Variants in RHOQ observed in about 807,000 individuals in gnomAD.
The protein encoded by RHOQ is ras homolog family member Q.
RHOQ carries 7 observed loss-of-function variants against 25.8 expected under a neutral mutation model. The ratio of observed to expected loss-of-function variants is 0.27; its 90% confidence interval spans 0.15 to 0.51. The LOEUF (loss-of-function observed/expected upper bound fraction) is 0.51, where lower values mean the gene tolerates loss of function less well. Among genes scored for constraint, RHOQ ranks in the 20% least tolerant of loss-of-function variants. RHOQ has a pLI of 0.97. For synonymous variants in RHOQ, 97 were observed against 98.6 expected, an observed-to-expected ratio of 0.98 and a Z score of 0.10; for missense variants, 165 against 260.6, an observed-to-expected ratio of 0.63 and a Z score of 2.53.
At position 46,569,289 on chromosome 2, in the gene RHOQ, C is replaced by G. The variant is rs772257585; in HGVS notation, c.202-6798C>G. 2.0e-5 allele frequency: 3 copies of G among 152,174 alleles called. No individual in the cohort carries two copies. The highest frequency in any genetic ancestry group is 4.4e-5 in the Non-Finnish European group (3 of 68,048). 9.4% of individuals were successfully genotyped at this position (152,174 alleles called of 1,614,324 possible). On this transcript the variant is annotated intron_variant, in intron 2 of 4. Coordinates refer to ENST00000238738, the MANE Select transcript of RHOQ (RefSeq NM_012249.4). The surrounding 1 kb of genome is among the most constrained non-coding windows in gnomAD (Gnocchi z 4.1). Reference sequence around the variant, plus strand: ...TCTTGATCCTCTGCCTTGTGGTGGTCAGCTTAGATAAAATGGAATCCTAAA... The same window carrying G: ...TCTTGATCCTCTGCCTTGTGGTGGTGAGCTTAGATAAAATGGAATCCTAAA...
intron 2 of RHOQ, among the ~76,000 whole-genome samples, chr2:46,563,222 T>G (rs1668625640): frequency 6.6e-6 from 1 of 152,130 alleles, no homozygotes; most frequent in African/African-American, 2.4e-5. Context: ...ACACTCGTGG[T>G]TAGGAGAATT....
intron 2 of RHOQ, among the ~76,000 whole-genome samples, chr2:46,567,967 G>A (rs200414146): frequency 5.3e-5 from 8 of 152,096 alleles, no homozygotes; most frequent in African/African-American, 1.7e-4. Context: ...TCAACTACTC[G>A]GGAGGCTGAG....
intron 2 of RHOQ, among the ~76,000 whole-genome samples, chr2:46,551,318 A>G (rs1435732248): frequency 1.3e-5 from 2 of 151,630 alleles, no homozygotes; most frequent in Admixed American, 1.3e-4. Flanking sequence ...TGGCTCCTCT[A>G]CTCCACCCGA....
chr2:46,554,215 A>T (rs1404002389), intron 2 of RHOQ, among the ~76,000 whole-genome samples: 6 of 151,576 alleles, frequency 4.0e-5, no homozygotes, highest in Admixed American at 6.6e-5. Context: ...CATGGTTGAG[A>T]TTATCCGTAA....
Position 46,552,433 on chromosome 2 carries a change from G to T in RHOQ, c.201+8621G>T, listed in dbSNP as rs993185895. Among the ~76,000 whole-genome samples, 5 of 152,330 alleles carry T rather than the reference G, an allele frequency of 3.3e-5. No homozygotes were observed. Among genetic ancestry groups the T allele is most frequent in the African/African-American group, 1.2e-4 (5 of 41,572 alleles). ...CTTTAGCCTGCAAATGACGGGTGTC[G>T]TTTGTGTCCCATGGGGGCTACCTCA... On this transcript the variant is annotated intron_variant, in intron 2 of 4. Coordinates refer to ENST00000238738, the MANE Select transcript of RHOQ (RefSeq NM_012249.4). The surrounding 1 kb of genome is among the most constrained non-coding windows in gnomAD (Gnocchi z 5.0).
chr2:46,576,336 T>G lies in RHOQ; in HGVS notation c.366+85T>G, dbSNP rs1669126558. Reference sequence around the variant, plus strand: ...GCTCTCAGACAAACAGTCCCAAAGCTGAGCAAATGATGTAAGTGTTTAATC... The same window carrying G: ...GCTCTCAGACAAACAGTCCCAAAGCGGAGCAAATGATGTAAGTGTTTAATC... On this transcript the variant is annotated intron_variant, in intron 3 of 4. Transcript: ENST00000238738. The surrounding 1 kb of genome is among the most constrained non-coding windows in gnomAD (Gnocchi z 5.1). 8.5e-7 allele frequency: 1 copy of G among 1,181,824 alleles called. No homozygotes were observed. The highest frequency in any genetic ancestry group is 1.5e-5 in the African/African-American group (1 of 64,818). The allele number at this position is 1,181,824 out of a possible 1,614,324, so 73.2% of individuals were successfully genotyped here. A position where few individuals can be genotyped will look rare whatever the true frequency, so the allele number is the denominator to read the frequency against.
In RHOQ at chr2:46,576,545, G is replaced by T. The variant is rs542346871; in HGVS notation, c.367-16G>T. On this transcript the variant is annotated splice_polypyrimidine_tract_variant and intron_variant, in intron 3 of 4. Coordinates refer to ENST00000238738, the MANE Select transcript of RHOQ (RefSeq NM_012249.4). The surrounding 1 kb of genome is among the most constrained non-coding windows in gnomAD (Gnocchi z 5.1). Reference sequence around the variant, plus strand: ...ATTTGTAATATTATGGGACATTATTGACCTTTCTTAATTAGATTGATCTCC... The same window carrying T: ...ATTTGTAATATTATGGGACATTATTTACCTTTCTTAATTAGATTGATCTCC... 17 of 1,482,374 alleles carry T rather than the reference G, an allele frequency of 1.1e-5. No homozygotes were observed. The highest frequency in any genetic ancestry group is 1.8e-5 in the Admixed American group (1 of 55,016). The allele number at this position is 1,482,374 out of a possible 1,614,324, so 91.8% of individuals were successfully genotyped here. A position where few individuals can be genotyped will look rare whatever the true frequency, so the allele number is the denominator to read the frequency against.
At chr2:46,544,065 G>A (rs1281331355) in intron 2 of RHOQ, among the ~76,000 whole-genome samples, 1 of 152,160 alleles carries the variant, frequency 6.6e-6, no homozygotes, top group African/African-American at 2.4e-5. Context: ...GTTCTGTGTG[G>A]CGCCTGGTGT....
intron 2 of RHOQ, among the ~76,000 whole-genome samples, chr2:46,546,313 A>G (rs1668041838): frequency 6.6e-6 from 1 of 151,546 alleles, no homozygotes; most frequent in Admixed American, 6.6e-5. Context: ...GCACTTGGTC[A>G]TTAAGACCTC....
chr2:46,573,425 TAAG>T (rs1008578728), intron 2 of RHOQ, among the ~76,000 whole-genome samples: 9 of 152,238 alleles, frequency 5.9e-5, no homozygotes, highest in Non-Finnish European at 1.2e-4. Flanking sequence ...TGTTCAGACT[TAAG>T]AAGTAACATT....
rs1668266906 is a variant in RHOQ, at chr2:46,552,257, T to A, written c.201+8445T>A. ...CACTTTGTCCCTAAACCACCATGCT[T>A]CCTCAAAAAGGAGCAGGCCCGAGGT... is the stretch of plus-strand genomic sequence containing the variant. On this transcript the variant is annotated intron_variant, in intron 2 of 4. Coordinates refer to ENST00000238738, the MANE Select transcript of RHOQ (RefSeq NM_012249.4). This position sits in a 1 kb window ranked among gnomAD's most constrained non-coding sequence, Gnocchi z 5.0. Among the ~76,000 whole-genome samples the A allele has an allele frequency of 6.6e-6, 1 of 152,176 alleles. No individual in the cohort carries two copies. Among genetic ancestry groups the A allele is most frequent in the Admixed American group, 6.5e-5 (1 of 15,276 alleles).
chr2:46,560,678 T>C (rs898932831), intron 2 of RHOQ: 3 of 454,912 alleles, frequency 6.6e-6, no homozygotes, highest in South Asian at 3.1e-5. Context: ...GCTGTCTTAC[T>C]GTTGGACAGA....
intron 2 of RHOQ, among the ~76,000 whole-genome samples, chr2:46,544,580 C>T (rs1418764976): frequency 1.3e-5 from 2 of 152,234 alleles, no homozygotes; most frequent in Non-Finnish European, 2.9e-5. Context: ...CCAGGCTGTG[C>T]TTCTAAAGGG....
intron 2 of RHOQ, among the ~76,000 whole-genome samples, chr2:46,574,035 C>T (rs1225559025): frequency 2.0e-5 from 3 of 152,168 alleles, no homozygotes; most frequent in African/African-American, 4.8e-5. Flanking sequence ...GGGGACCCTG[C>T]GTGGATTTGC....
rs771994356 is a variant in RHOQ, at chr2:46,581,100, C to T, written c.*17C>T. The stretch of plus-strand genomic sequence containing the variant: ...ATTACGTGAGAAACATCTTCAGTGG[C>T]CAAGGAAACTGTCCATTTCTCTCAG... On this transcript the variant is annotated 3_prime_UTR_variant, in exon 5 of 5. Transcript: ENST00000238738. The T allele has an allele frequency of 6.8e-7, 1 of 1,480,690 alleles. No homozygotes were observed. Among genetic ancestry groups the T allele is most frequent in the South Asian group, 1.4e-5 (1 of 72,838 alleles). The allele number at this position is 1,480,690 out of a possible 1,614,324, so 91.7% of individuals were successfully genotyped here.
At chr2:46,575,567 C>G (rs1669088913) in intron 2 of RHOQ, among the ~76,000 whole-genome samples, 1 of 152,122 alleles carries the variant, frequency 6.6e-6, no homozygotes, top group East Asian at 1.9e-4. Flanking sequence ...CCTTGACTTA[C>G]TGGCTACACA....
chr2:46,580,695 G>A, intron 4 of RHOQ: 1 of 352,932 alleles, frequency 2.8e-6, no homozygotes, highest in South Asian at 1.0e-4. Flanking sequence ...AACAGTGCTT[G>A]ACATATAGTA....
rs910107095 is a variant in RHOQ at position 46,548,688 on chromosome 2, C to T, written c.201+4876C>T. ...AGAGCCTGGGAGGAGCCCCAGGGTT[C>T]CTTCCAGGCATCAGCTGCAACAGGT... is the stretch of plus-strand genomic sequence containing the variant. On this transcript the variant is annotated intron_variant, in intron 2 of 4. Coordinates refer to ENST00000238738, the MANE Select transcript of RHOQ (RefSeq NM_012249.4). This position sits in a 1 kb window ranked among gnomAD's most constrained non-coding sequence, Gnocchi z 5.2. 6.6e-6 allele frequency among the ~76,000 whole-genome samples: 1 copy of T among 152,142 alleles called. No individual in the cohort carries two copies. Among genetic ancestry groups the T allele is most frequent in the African/African-American group, 2.4e-5 (1 of 41,418 alleles).
In RHOQ at chr2:46,580,706, G is replaced by T. The variant is rs1468663675; in HGVS notation, c.463-222G>T. 4 of 385,222 alleles carry T rather than the reference G, an allele frequency of 1.0e-5. No individual in the cohort carries two copies. In the East Asian group the frequency reaches 1.6e-4, roughly 16 times the overall value. 23.9% of individuals were successfully genotyped at this position (385,222 alleles called of 1,614,324 possible). A position where few individuals can be genotyped will look rare whatever the true frequency, so the allele number is the denominator to read the frequency against. On this transcript the variant is annotated intron_variant, in intron 4 of 4. Transcript: ENST00000238738. ...CCTAAACAGTGCTTGACATATAGTA[G>T]ATACCCAGTAAATATGTGGTGAGTG...
Sources: gnomAD v4.1 joint callset for allele counts (sites outside exome capture counted in the v4.1 genomes callset) on GRCh38, gnomAD v4.1.1 for gene constraint, Gnocchi (gnomAD v3.1) non-coding constraint, MANE v1.5 for transcripts, NCBI Gene and HGNC (gene_info 2026-07-23, HGNC 2026-07-21) for gene names.